Variants in PARD3 observed in about 807,000 individuals in gnomAD.
The protein encoded by PARD3 is partitioning defective 3 homolog.
In PARD3, 75 loss-of-function variants were observed where a neutral mutation model predicts 155.4. The ratio of observed to expected loss-of-function variants is 0.48; its 90% CI spans 0.40 to 0.58. The LOEUF is 0.58. Ranked by LOEUF, PARD3 falls within the 20% of genes least tolerant of loss-of-function variation. PARD3 has a pLI of 0.00. For synonymous variants in PARD3, 576 were observed against 610.5 expected, an observed-to-expected ratio of 0.94 and a Z score of 0.83; for missense variants, 1,642 against 1,721.7, an observed-to-expected ratio of 0.95 and a Z score of 0.82.
At chr10:34,209,326 C>A (rs1329774072) in intron 22 of PARD3, among the ~76,000 whole-genome samples, 1 of 152,058 alleles carries the variant, frequency 6.6e-6, no homozygotes, top group African/African-American at 2.4e-5. Flanking sequence ...GCAGGAGCCC[C>A]AAGGATTCTT....
chr10:34,270,995 A>C (rs935076375), intron 21 of PARD3, among the ~76,000 whole-genome samples: 2 of 152,212 alleles, frequency 1.3e-5, no homozygotes, highest in Non-Finnish European at 2.9e-5. Flanking sequence ...AAAAATTTTA[A>C]AACCCTCAAT....
At chr10:34,694,368 G>A (rs1404033475) in intron 2 of PARD3, among the ~76,000 whole-genome samples, 2 of 151,284 alleles carry the variant, frequency 1.3e-5, no homozygotes, top group African/African-American at 4.9e-5. Context: ...CTGCAGAAAA[G>A]GATTTCAGAG....
intron 3 of PARD3, among the ~76,000 whole-genome samples, chr10:34,471,839 G>A (rs544785004): frequency 6.6e-6 from 1 of 152,306 alleles, no homozygotes; most frequent in Admixed American, 6.5e-5. Context: ...GATTACAGGC[G>A]TGAGCCACCA....
At chr10:34,428,764 T>A (rs181523607) in intron 5 of PARD3, among the ~76,000 whole-genome samples, 11 of 152,222 alleles carry the variant, frequency 7.2e-5, no homozygotes, top group African/African-American at 2.4e-4. Context: ...GTAAGAACTA[T>A]TTTTTTCCTA....
At chr10:34,369,304 A>C (rs1482837264) in intron 12 of PARD3, among the ~76,000 whole-genome samples, 1 of 133,826 alleles carries the variant, frequency 7.5e-6, no homozygotes, top group East Asian at 2.0e-4. Flanking sequence ...TTTGTGATTT[A>C]TTTATTTATT....
At chr10:34,184,749 T>C (rs922559049) in intron 22 of PARD3, among the ~76,000 whole-genome samples, 2 of 151,614 alleles carry the variant, frequency 1.3e-5, no homozygotes, top group African/African-American at 4.8e-5. Flanking sequence ...CCTTGGTTCT[T>C]ATGCTCAAAG....
intron 10 of PARD3, among the ~76,000 whole-genome samples, chr10:34,376,397 G>A (rs1032336378): frequency 2.6e-5 from 4 of 152,224 alleles, no homozygotes; most frequent in Non-Finnish European, 5.9e-5. Context: ...AAAGAAAGAC[G>A]GAGAGAGCCA....
At chr10:34,289,184 CT>C (rs1365693438) in intron 20 of PARD3, among the ~76,000 whole-genome samples, 2 of 151,660 alleles carry the variant, frequency 1.3e-5, no homozygotes, top group Non-Finnish European at 2.9e-5. Context: ...CCCTGCGGGT[CT>C]TTTTTTGAGG....
At chr10:34,627,066 T>A (rs2092014873) in intron 2 of PARD3, among the ~76,000 whole-genome samples, 1 of 151,532 alleles carries the variant, frequency 6.6e-6, no homozygotes. Flanking sequence ...ATCACTGAGG[T>A]TAGAGTGCAG....
At chr10:34,163,250 C>T (rs898173164) in intron 22 of PARD3, among the ~76,000 whole-genome samples, 13 of 152,098 alleles carry the variant, frequency 8.5e-5, no homozygotes, top group African/African-American at 2.2e-4. Context: ...ACTCCACAGC[C>T]GGTGGGGGGG....
intron 2 of PARD3, among the ~76,000 whole-genome samples, chr10:34,592,357 G>C (rs933518229): frequency 5.3e-5 from 8 of 152,156 alleles, no homozygotes; most frequent in Non-Finnish European, 5.9e-5. Context: ...AAAGGCACAG[G>C]TGAGGACATG....
At chr10:34,363,676 A>G (rs1258005753) in intron 12 of PARD3, among the ~76,000 whole-genome samples, 1 of 152,182 alleles carries the variant, frequency 6.6e-6, no homozygotes, top group Non-Finnish European at 1.5e-5. Flanking sequence ...TCTGCACCTT[A>G]TCAACTGTTT....
chr10:34,569,072 A>C (rs1212427657), intron 2 of PARD3, among the ~76,000 whole-genome samples: 1 of 152,194 alleles, frequency 6.6e-6, no homozygotes, highest in Non-Finnish European at 1.5e-5. Flanking sequence ...TATTTTACAA[A>C]TCTAAGAAAT....
intron 22 of PARD3, among the ~76,000 whole-genome samples, chr10:34,161,302 G>C (rs1156586404): frequency 1.3e-5 from 2 of 149,592 alleles, no homozygotes; most frequent in Non-Finnish European, 3.0e-5. Context: ...GGGGAGAAGA[G>C]GGGAGTGGGG....
In PARD3 at chr10:34,500,710, C is replaced by T. The variant is rs139075185; in HGVS notation, c.403+16269G>A. On this transcript the variant is annotated intron_variant, in intron 3 of 24. Transcript: ENST00000374788. ...TGAGCCAAGATCACACCACTGCACT[C>T]CAGTCTGTTATGTTCCAATAACAAA... Among the ~76,000 whole-genome samples the T allele has an allele frequency of 1.1e-4, 16 of 152,232 alleles. No homozygotes were observed. The South Asian group carries it at 1.9e-3, about 18-fold the overall frequency.
chr10:34,231,409 A>G (rs928982839), intron 22 of PARD3, among the ~76,000 whole-genome samples: 4 of 151,970 alleles, frequency 2.6e-5, no homozygotes, highest in African/African-American at 9.7e-5. Flanking sequence ...AATCAATTTT[A>G]GAATGTCAGG....
intron 3 of PARD3, among the ~76,000 whole-genome samples, chr10:34,507,550 A>AAAAAAAAAAAACAAAAAAAAAAAAC (rs61653196): frequency 1.5e-5 from 2 of 129,190 alleles, no homozygotes; most frequent in African/African-American, 7.2e-5. Flanking sequence ...TAAAAAAACA[A>AAAAAAAAAAAACAAAAAAAAAAAAC]AAAAAAAAAA....
chr10:34,604,925 T>G (rs2132532639), intron 2 of PARD3, among the ~76,000 whole-genome samples: 1 of 151,920 alleles, frequency 6.6e-6, no homozygotes. Context: ...TCAATGTTAC[T>G]AAAACCTATT....
chr10:34,324,959 C>T (rs1958598554), intron 19 of PARD3, among the ~76,000 whole-genome samples: 1 of 152,146 alleles, frequency 6.6e-6, no homozygotes, highest in Non-Finnish European at 1.5e-5. Flanking sequence ...AGAGTCCCAT[C>T]ATATTATTTT....
Sources: allele counts gnomAD v4.1 joint callset (sites outside exome capture counted in the v4.1 genomes callset), GRCh38; gene constraint gnomAD v4.1.1; transcripts MANE v1.5; gene names NCBI Gene and HGNC (gene_info 2026-07-23, HGNC 2026-07-21).